Variants in ZNF236 observed in about 807,000 individuals in gnomAD.
ZNF236 encodes the protein regulated by glucose.
Under a neutral mutation model 191.2 loss-of-function variants are expected in ZNF236, and 50 were observed. The observed-to-expected ratio is 0.26, with a 90% CI of 0.21 to 0.33. The LOEUF (loss-of-function observed/expected upper bound fraction) is 0.33. Among genes scored for constraint, ZNF236 ranks in the 10% least tolerant of loss-of-function variants. The pLI, the probability that ZNF236 is intolerant of heterozygous loss-of-function variation, is 1.00. For synonymous variants in ZNF236, 907 were observed against 928.8 expected (o/e 0.98, Z 0.43); for missense variants, 1,754 against 2,374.5 (o/e 0.74, Z 5.43).
In ZNF236 at chr18:76,880,424, C is replaced by T; in HGVS notation, c.1188+108C>T. 8.2e-7 allele frequency: 1 copy of T among 1,220,054 alleles called. No individual in the cohort carries two copies. Among genetic ancestry groups the T allele is most frequent in the Non-Finnish European group, 1.1e-6 (1 of 902,292 alleles). 75.6% of individuals were successfully genotyped at this position (1,220,054 alleles called of 1,614,324 possible). ...CAGGGCTTGTCAAAGTCAGGGTATCCTCATGAAAAATGTGCCTGAACCGAA... is the reference window on the plus strand; with the variant it reads ...CAGGGCTTGTCAAAGTCAGGGTATCTTCATGAAAAATGTGCCTGAACCGAA... On this transcript the variant is annotated intron_variant, in intron 8 of 30. Transcript: ENST00000320610. This position sits in a 1 kb window ranked among gnomAD's most constrained non-coding sequence, Gnocchi z 5.0.
intron 3 of ZNF236, among the ~76,000 whole-genome samples, chr18:76,858,364 C>A (rs1042158477): frequency 7.9e-5 from 12 of 152,172 alleles, no homozygotes; most frequent in Admixed American, 6.5e-4. Flanking sequence ...TCACCTCCCC[C>A]CTTCTCCCTT....
At chr18:76,932,942 A>C (rs1599406938) in intron 25 of ZNF236, among the ~76,000 whole-genome samples, 1 of 152,304 alleles carries the variant, frequency 6.6e-6, no homozygotes, top group South Asian at 2.1e-4. Context: ...TGATCTGGCT[A>C]GTTCGGTAGT....
At chr18:76,931,853 CTTG>C (rs1474136056) in intron 25 of ZNF236, among the ~76,000 whole-genome samples, 1 of 152,114 alleles carries the variant, frequency 6.6e-6, no homozygotes, top group African/African-American at 2.4e-5. Flanking sequence ...ACTTCTTAGC[CTTG>C]TTATTTTCCA....
At chr18:76,867,052 T>C (rs1248637879) in intron 3 of ZNF236, among the ~76,000 whole-genome samples, 1 of 149,606 alleles carries the variant, frequency 6.7e-6, no homozygotes, top group Non-Finnish European at 1.5e-5. Context: ...ATGAATCAGA[T>C]CATTTGGTAA....
chr18:76,893,403 A>G (rs769336236), intron 9 of ZNF236, among the ~76,000 whole-genome samples: 1 of 151,772 alleles, frequency 6.6e-6, no homozygotes, highest in Non-Finnish European at 1.5e-5. Context: ...TTCCTTCTCC[A>G]TTTTTACCCC....
chr18:76,826,484 A>T (rs1203932251), intron 1 of ZNF236, among the ~76,000 whole-genome samples: 1 of 151,224 alleles, frequency 6.6e-6, no homozygotes, highest in African/African-American at 2.4e-5. Flanking sequence ...CTGGATCTCC[A>T]TTTGTGTCCA....
chr18:76,887,281 A>T (rs1977086280), intron 9 of ZNF236: 1 of 152,260 alleles, frequency 6.6e-6, no homozygotes, highest in Non-Finnish European at 1.5e-5. Flanking sequence ...CTGAGGAAGG[A>T]GAATGGCTTG....
intron 11 of ZNF236, among the ~76,000 whole-genome samples, chr18:76,902,049 G>T (rs1020742037): frequency 6.6e-6 from 1 of 152,078 alleles, no homozygotes; most frequent in Non-Finnish European, 1.5e-5. Context: ...AATTTTTCAG[G>T]GTTAAAATGG....
At chr18:76,838,379 C>T (rs1975393413) in intron 1 of ZNF236, among the ~76,000 whole-genome samples, 1 of 152,182 alleles carries the variant, frequency 6.6e-6, no homozygotes, top group South Asian at 2.1e-4. Context: ...CCTTTAATGC[C>T]TTTATCTCTC....
intron 27 of ZNF236, among the ~76,000 whole-genome samples, chr18:76,952,272 G>A (rs1363158394): frequency 2.0e-5 from 3 of 152,220 alleles, no homozygotes. Flanking sequence ...CCTATAATTA[G>A]TAAGAGAAAT....
rs564772274 is a variant in ZNF236, at chr18:76,919,288, G to A, written c.3275-488G>A. On this transcript the variant is annotated intron_variant, in intron 19 of 30. Coordinates refer to ENST00000320610, the MANE Select transcript of ZNF236 (RefSeq NM_001306089.2). This position sits in a 1 kb window ranked among gnomAD's most constrained non-coding sequence, Gnocchi z 5.3. The stretch of plus-strand genomic sequence containing the variant: ...ATGCCCTTCACTTGGCTTTTTTTTG[G>A]TTACATAATATTTCTACATATTTAT... Among the ~76,000 whole-genome samples, 2 of 151,908 alleles carry A rather than the reference G, an allele frequency of 1.3e-5. No homozygotes were observed. The highest frequency in any genetic ancestry group is 2.9e-5 in the Non-Finnish European group (2 of 67,962).
chr18:76,902,254 C>A (rs1478295531), intron 11 of ZNF236, among the ~76,000 whole-genome samples: 1 of 152,176 alleles, frequency 6.6e-6, no homozygotes, highest in African/African-American at 2.4e-5. Flanking sequence ...CATCTCTTCT[C>A]TCAGACTCTG....
At chr18:76,905,545 GAAAAAAAAAAAAAAAAAAAAAAA>G in intron 13 of ZNF236, 130 bp downstream of exon 13, 1 of 63,982 alleles carries the variant, frequency 1.6e-5, no homozygotes. Flanking sequence ...ATGGGCTCAA[GAAAAAAAAAAAAAAAAAAAAAAA>G]AAGAAATGTA....
intron 3 of ZNF236, among the ~76,000 whole-genome samples, chr18:76,857,227 T>C (rs2122544219): frequency 6.6e-6 from 1 of 152,306 alleles, no homozygotes; most frequent in East Asian, 1.9e-4. Context: ...ACCCAGCGCC[T>C]GGCAGCACCA....
chr18:76,927,428 G>A lies in ZNF236; in HGVS notation c.4325G>A (p.Gly1442Asp). ...AGTGTTGTCATCCAGCCCATCTCAG[G>A]CCTGTCCTTACAGCCCACAGTGACC... is the stretch of plus-strand genomic sequence containing the variant. ...PASVVIQPISGLSLQPTVTSA... is the reference protein window; with the variant it reads ...PASVVIQPISDLSLQPTVTSA... Residue 1442 changes from glycine (G) to aspartate (D), a missense_variant, in exon 24 of 31, where the codon GGC becomes GAC. Gly to Asp is a moderately conservative substitution (Grantham distance 94). Around this residue, in one of 5 missense-constraint regions of ZNF236, gnomAD observed 606 missense variants for 761.5 expected, o/e 0.80. Coordinates refer to ENST00000320610, the MANE Select transcript of ZNF236 (RefSeq NM_001306089.2). This position sits in a 1 kb window ranked among gnomAD's most constrained non-coding sequence, Gnocchi z 5.4. The A allele has an allele frequency of 6.2e-7, 1 of 1,614,178 alleles. No homozygotes were observed. The highest frequency in any genetic ancestry group is 8.5e-7 in the Non-Finnish European group (1 of 1,180,040).
chr18:76,849,392 C>T (rs985904892), intron 1 of ZNF236, 134 bp from the exon 2 acceptor site: 3 of 637,426 alleles, frequency 4.7e-6, no homozygotes, highest in Non-Finnish European at 7.5e-6. Flanking sequence ...TTCAGTATAT[C>T]ATTAATTTCG....
intron 22 of ZNF236, among the ~76,000 whole-genome samples, chr18:76,926,554 T>C (rs1967683282): frequency 1.3e-5 from 2 of 152,014 alleles, no homozygotes; most frequent in South Asian, 2.1e-4. Flanking sequence ...TGTGTGTATA[T>C]ATGGTATAAA....
chr18:76,900,810 T>A (rs1977567876), intron 11 of ZNF236, among the ~76,000 whole-genome samples: 1 of 152,202 alleles, frequency 6.6e-6, no homozygotes, highest in East Asian at 1.9e-4. Flanking sequence ...ATATAGCAGT[T>A]CCCAACCTTT....
intron 1 of ZNF236, among the ~76,000 whole-genome samples, chr18:76,831,331 G>A (rs1227211497): frequency 6.6e-6 from 1 of 152,176 alleles, no homozygotes; most frequent in Non-Finnish European, 1.5e-5. Context: ...GATTGGCTTT[G>A]AGTAAGACAT....
Sources: allele counts gnomAD v4.1 joint callset (sites outside exome capture counted in the v4.1 genomes callset), GRCh38; gene constraint gnomAD v4.1.1; regional missense constraint gnomAD v4.1.1; non-coding constraint Gnocchi (gnomAD v3.1); transcripts MANE v1.5; gene names NCBI Gene and HGNC (gene_info 2026-07-23, HGNC 2026-07-21).